Variants in SPATS2L observed in about 807,000 individuals in gnomAD.
The protein encoded by SPATS2L is SPATS2-like protein.
A neutral mutation model predicts 59.6 loss-of-function variants in SPATS2L; 30 were observed. That is an observed-to-expected ratio of 0.50 (90% CI 0.38 to 0.68). SPATS2L has a LOEUF of 0.68. SPATS2L is among the 30% of genes least tolerant of loss of function. The pLI is 0.00. For synonymous variants in SPATS2L, 252 were observed against 263.5 expected, an observed-to-expected ratio of 0.96 and a Z score of 0.42; for missense variants, 615 against 700.0, an observed-to-expected ratio of 0.88 and a Z score of 1.37.
At chr2:200,402,979 T>C (rs1333524441) in intron 3 of SPATS2L, among the ~76,000 whole-genome samples, 1 of 152,214 alleles carries the variant, frequency 6.6e-6, no homozygotes, top group Non-Finnish European at 1.5e-5. Flanking sequence ...TGTCAGAACT[T>C]ACATATTGAA....
In SPATS2L at chr2:200,338,756, G is replaced by A. The variant is rs1166646147; in HGVS notation, c.-23+9276G>A. On this transcript the variant is annotated intron_variant, in intron 2 of 12. Transcript: ENST00000409140. The stretch of plus-strand genomic sequence containing the variant: ...ATCAGTTGGTTAACACCAGTGCCAA[G>A]GCCAAGGGGTTACCTCTCCACTTCA... Among the ~76,000 whole-genome samples, 5 of 152,280 alleles carry A rather than the reference G, an allele frequency of 3.3e-5. No homozygotes were observed. In the East Asian group the frequency reaches 9.6e-4, roughly 29 times the overall value.
intron 3 of SPATS2L, among the ~76,000 whole-genome samples, chr2:200,406,297 A>G (rs1033920104): frequency 2.0e-5 from 3 of 151,952 alleles, no homozygotes; most frequent in African/African-American, 4.8e-5. Flanking sequence ...ACCTTTGCCA[A>G]TCGGGATTAT....
intron 2 of SPATS2L, among the ~76,000 whole-genome samples, chr2:200,386,489 A>C (rs2081998322): frequency 6.6e-6 from 1 of 152,204 alleles, no homozygotes; most frequent in Admixed American, 6.5e-5. Flanking sequence ...TTACGAATAT[A>C]GCTTACCATC....
At chr2:200,318,940 A>G (rs758848128) in intron 1 of SPATS2L, among the ~76,000 whole-genome samples, 1 of 152,160 alleles carries the variant, frequency 6.6e-6, no homozygotes, top group Non-Finnish European at 1.5e-5. Context: ...CCCTAAGCCC[A>G]TTTCGATTTG....
chr2:200,411,751 A>G (rs1398777267), intron 3 of SPATS2L, among the ~76,000 whole-genome samples: 12 of 152,228 alleles, frequency 7.9e-5, no homozygotes, highest in African/African-American at 2.9e-4. Context: ...AAGTGTGTTC[A>G]CAAACATTTT....
At chr2:200,336,976 C>G (rs1252917069) in intron 2 of SPATS2L, among the ~76,000 whole-genome samples, 1 of 152,082 alleles carries the variant, frequency 6.6e-6, no homozygotes, top group Non-Finnish European at 1.5e-5. Context: ...GAAAGCAGAT[C>G]GCTGAAGAGA....
intron 3 of SPATS2L, among the ~76,000 whole-genome samples, chr2:200,408,808 A>G (rs1426528879): frequency 6.6e-6 from 1 of 152,272 alleles, no homozygotes; most frequent in Non-Finnish European, 1.5e-5. Context: ...GGAGTCAGAT[A>G]GGGAAGCCCC....
intron 9 of SPATS2L, 68 bp downstream of exon 9, chr2:200,459,895 G>T: frequency 8.5e-7 from 1 of 1,171,896 alleles, no homozygotes; most frequent in South Asian, 1.4e-5. Flanking sequence ...AGGTCAGACT[G>T]ACAATGATAC....
chr2:200,322,828 C>G (rs1302851835), intron 1 of SPATS2L, among the ~76,000 whole-genome samples: 1 of 152,182 alleles, frequency 6.6e-6, no homozygotes, highest in African/African-American at 2.4e-5. Flanking sequence ...AAAAACCCAA[C>G]TCTAGGAGTA....
intron 1 of SPATS2L, among the ~76,000 whole-genome samples, chr2:200,326,012 A>G (rs138528914): frequency 0.03 from 4,531 of 152,296 alleles, 75 homozygotes; most frequent in Middle Eastern, 0.078. Flanking sequence ...GGCACATGCT[A>G]TTGTTTATAT....
At chr2:200,330,756 C>T (rs1177608213) in intron 2 of SPATS2L, among the ~76,000 whole-genome samples, 1 of 152,214 alleles carries the variant, frequency 6.6e-6, no homozygotes, top group Non-Finnish European at 1.5e-5. Flanking sequence ...CAATTGAAAA[C>T]AATTCTGATC....
At chr2:200,476,642 C>G (rs1335772833) in intron 12 of SPATS2L, among the ~76,000 whole-genome samples, 1 of 152,160 alleles carries the variant, frequency 6.6e-6, no homozygotes, top group Non-Finnish European at 1.5e-5. Context: ...CCATGCAGTC[C>G]CACAGCAGTG....
At chr2:200,477,522 A>G (rs1009206775) in intron 12 of SPATS2L, 114 bp from the exon 13 acceptor site, 3 of 362,966 alleles carry the variant, frequency 8.3e-6, no homozygotes, top group East Asian at 1.1e-4. Flanking sequence ...GTATAAAAAA[A>G]AAAAAAAAAA....
intron 3 of SPATS2L, among the ~76,000 whole-genome samples, chr2:200,391,680 A>T (rs2082177206): frequency 6.6e-6 from 1 of 152,216 alleles, no homozygotes; most frequent in Non-Finnish European, 1.5e-5. Flanking sequence ...ATAAATCTTC[A>T]TGTTAAATAA....
intron 1 of SPATS2L, chr2:200,308,935 G>T (rs1295721241): frequency 1.5e-6 from 1 of 663,786 alleles, no homozygotes; most frequent in Non-Finnish European, 2.8e-6. Flanking sequence ...TGCATGCACT[G>T]ATTTTCCTGA....
Position 200,469,941 on chromosome 2 carries a change from G to T in SPATS2L, c.985G>T (p.Glu329Ter). The change falls in exon 11 of 13, where the codon GAG becomes TAG. Residue 329 changes from glutamate to a stop codon, truncating the protein, a stop_gained. Transcript: ENST00000409140. LOFTEE classifies it high-confidence loss of function. ...KHFVSERKYD[E>*]ELGKAARFSC... ...CTTTGTCAGCGAGCGTAAATATGACGAGGAGCTCGGGAAAGCTGCCCGGTT... is the reference window on the plus strand; with the variant it reads ...CTTTGTCAGCGAGCGTAAATATGACTAGGAGCTCGGGAAAGCTGCCCGGTT... The T allele has an allele frequency of 6.2e-7, 1 of 1,611,658 alleles. No homozygotes were observed. The highest frequency in any genetic ancestry group is 8.5e-7 in the Non-Finnish European group (1 of 1,178,942).
At chr2:200,477,569 C>T in intron 12 of SPATS2L, 67 bp from the exon 13 acceptor site, 1 of 999,374 alleles carries the variant, frequency 1.0e-6, no homozygotes, top group Non-Finnish European at 1.3e-6. Flanking sequence ...TTTGGTTTTC[C>T]TGATGTCTAC....
intron 6 of SPATS2L, among the ~76,000 whole-genome samples, chr2:200,430,459 T>C (rs994646006): frequency 5.3e-5 from 8 of 151,892 alleles, no homozygotes; most frequent in African/African-American, 1.9e-4. Context: ...GAAACAATCC[T>C]GCCCCCCAGA....
At chr2:200,358,651 G>A in intron 2 of SPATS2L, among the ~76,000 whole-genome samples, 1 of 151,150 alleles carries the variant, frequency 6.6e-6, no homozygotes, top group East Asian at 1.9e-4. Flanking sequence ...AGCAAATGTA[G>A]TAATATCTTG....
Sources: allele counts gnomAD v4.1 joint callset (sites outside exome capture counted in the v4.1 genomes callset), GRCh38; gene constraint gnomAD v4.1.1; transcripts MANE v1.5; gene names NCBI Gene and HGNC (gene_info 2026-07-23, HGNC 2026-07-21).